ARIH1: variants seen among roughly 807,000 people sequenced by gnomAD.
The protein encoded by ARIH1 is E3 ubiquitin-protein ligase ARIH1.
In ARIH1, 8 loss-of-function variants were observed where a neutral mutation model predicts 85.0. That is an observed-to-expected ratio of 0.09 (90% CI 0.06 to 0.17). The LOEUF (loss-of-function observed/expected upper bound fraction) is 0.17, where lower values mean the gene tolerates loss of function less well. ARIH1 is among the 10% of genes least tolerant of loss of function. ARIH1 has a pLI of 1.00. For missense variants in ARIH1, 311 were observed against 718.1 expected, an observed-to-expected ratio of 0.43 and a Z score of 6.48; for synonymous variants, 238 against 253.6, an observed-to-expected ratio of 0.94 and a Z score of 0.59.
intron 1 of ARIH1, among the ~76,000 whole-genome samples, chr15:72,483,709 A>G (rs988031123): frequency 6.6e-6 from 1 of 152,200 alleles, no homozygotes. Context: ...CCTGTAAATG[A>G]TAAACATTCC....
chr15:72,578,815 T>TG (rs1288974773), intron 11 of ARIH1, among the ~76,000 whole-genome samples: 14 of 61,960 alleles, frequency 2.3e-4, no homozygotes, highest in Non-Finnish European at 6.4e-4. Flanking sequence ...TGTTTTTTGG[T>TG]GTTTTGTTTT....
At chr15:72,566,510 T>C in intron 7 of ARIH1, 53 bp from the exon 8 acceptor site, 1 of 1,429,896 alleles carries the variant, frequency 7.0e-7, no homozygotes, top group South Asian at 1.2e-5. Context: ...GCTTATTTAC[T>C]TGCTTACAGT....
chr15:72,486,938 G>A (rs916157025), intron 1 of ARIH1, among the ~76,000 whole-genome samples: 5 of 151,508 alleles, frequency 3.3e-5, no homozygotes, highest in Admixed American at 2.6e-4. Context: ...CAGGTGATCC[G>A]CCCTCCTCAG....
chr15:72,534,635 C>G (rs956141446), intron 2 of ARIH1, among the ~76,000 whole-genome samples: 1 of 152,164 alleles, frequency 6.6e-6, no homozygotes, highest in Non-Finnish European at 1.5e-5. Context: ...TATATTAAAT[C>G]TATCCTAAAT....
rs1292558842 is a variant in ARIH1, at chr15:72,590,358, AACTT to A, written c.*7068_*7071del. 1.3e-5 allele frequency: 2 copies of A among 152,216 alleles called. No individual in the cohort carries two copies. Among genetic ancestry groups the A allele is most frequent in the African/African-American group, 4.8e-5 (2 of 41,458 alleles). The allele number at this position is 152,216 out of a possible 1,614,324, so 9.4% of individuals were successfully genotyped here. ...ACTTCCAACCTAAGATTGTCCTGGA[AACTT>A]AATTCTTATCTTGGCTCATCTCTTC... On this transcript the variant is annotated 3_prime_UTR_variant, in exon 14 of 14. Transcript: ENST00000379887.
intron 2 of ARIH1, among the ~76,000 whole-genome samples, chr15:72,529,994 A>G (rs1410503671): frequency 1.3e-5 from 2 of 152,238 alleles, no homozygotes; most frequent in Non-Finnish European, 2.9e-5. Context: ...AAAATCTAGT[A>G]ATAAATGAGC....
intron 1 of ARIH1, among the ~76,000 whole-genome samples, chr15:72,507,214 G>A (rs190494937): frequency 2.0e-5 from 3 of 151,990 alleles, no homozygotes; most frequent in Non-Finnish European, 4.4e-5. Context: ...TGGTAGAGAC[G>A]GGGTTTCACC....
At chr15:72,572,827 A>C (rs991107489) in intron 11 of ARIH1, among the ~76,000 whole-genome samples, 1 of 152,176 alleles carries the variant, frequency 6.6e-6, no homozygotes, top group Non-Finnish European at 1.5e-5. Context: ...TTTGTTCATC[A>C]AGAAGCGCTG....
intron 2 of ARIH1, among the ~76,000 whole-genome samples, chr15:72,528,311 C>T (rs1406997503): frequency 1.3e-5 from 2 of 152,122 alleles, no homozygotes; most frequent in African/African-American, 4.8e-5. Flanking sequence ...TTCAGTCTTT[C>T]CTGGACTCTG....
chr15:72,536,495 G>A (rs1195114448), intron 2 of ARIH1, among the ~76,000 whole-genome samples: 2 of 151,962 alleles, frequency 1.3e-5, no homozygotes, highest in Non-Finnish European at 2.9e-5. Context: ...AAAGCTTTTT[G>A]ATTAGCAAAA....
At chr15:72,476,023 T>G (rs1449050824) in intron 1 of ARIH1, among the ~76,000 whole-genome samples, 1 of 152,198 alleles carries the variant, frequency 6.6e-6, no homozygotes, top group East Asian at 1.9e-4. Flanking sequence ...TTCAGTGCAA[T>G]TTTTAGAAAA....
rs1265788433 is a variant in ARIH1 at position 72,591,650 on chromosome 15, A to G, written c.*8358A>G. The G allele has an allele frequency of 2.6e-5, 4 of 152,230 alleles. No individual in the cohort carries two copies. Among genetic ancestry groups the G allele is most frequent in the African/African-American group, 4.8e-5 (2 of 41,470 alleles). 9.4% of individuals were successfully genotyped at this position (152,230 alleles called of 1,614,324 possible). The stretch of plus-strand genomic sequence containing the variant: ...CCTCGGTATGTCAAATCATTTTCTC[A>G]GAGGAAGTACAGCATAAAATAATAA... On this transcript the variant is annotated 3_prime_UTR_variant, in exon 14 of 14. Coordinates refer to ENST00000379887, the MANE Select transcript of ARIH1 (RefSeq NM_005744.5).
chr15:72,498,191 T>C (rs879579178), intron 1 of ARIH1, among the ~76,000 whole-genome samples: 41 of 152,238 alleles, frequency 2.7e-4, no homozygotes, highest in Non-Finnish European at 5.9e-4. Flanking sequence ...AAGATTTGAC[T>C]TTTTTAAATG....
chr15:72,501,527 T>TAG (rs2063903403), intron 1 of ARIH1, among the ~76,000 whole-genome samples: 1 of 152,202 alleles, frequency 6.6e-6, no homozygotes, highest in Non-Finnish European at 1.5e-5. Context: ...TTGTATGCTG[T>TAG]CTCTAGATGG....
At chr15:72,486,387 C>T (rs1595849219) in intron 1 of ARIH1, among the ~76,000 whole-genome samples, 1 of 152,210 alleles carries the variant, frequency 6.6e-6, no homozygotes, top group South Asian at 2.1e-4. Flanking sequence ...CTACCTGCTA[C>T]TGGCCTCGGC....
intron 1 of ARIH1, among the ~76,000 whole-genome samples, chr15:72,495,543 T>C (rs941445194): frequency 6.6e-6 from 1 of 152,192 alleles, no homozygotes; most frequent in African/African-American, 2.4e-5. Context: ...TGGTTAGATC[T>C]CCTATAAACA....
At chr15:72,477,555 A>G (rs1243284107) in intron 1 of ARIH1, among the ~76,000 whole-genome samples, 1 of 152,148 alleles carries the variant, frequency 6.6e-6, no homozygotes, top group African/African-American at 2.4e-5. Flanking sequence ...TTTTTCTGGG[A>G]GAGGAGTTCT....
At chr15:72,516,060 A>G (rs1026424670) in intron 1 of ARIH1, among the ~76,000 whole-genome samples, 4 of 152,248 alleles carry the variant, frequency 2.6e-5, no homozygotes, top group African/African-American at 9.6e-5. Context: ...AAAACTTACC[A>G]TAGTTACTTT....
chr15:72,578,530 T>C (rs1028972397), intron 11 of ARIH1, among the ~76,000 whole-genome samples: 1 of 152,218 alleles, frequency 6.6e-6, no homozygotes, highest in Non-Finnish European at 1.5e-5. Flanking sequence ...GTATATTTTA[T>C]CGTAGTAAAT....
Sources: gnomAD v4.1 joint callset for allele counts (sites outside exome capture counted in the v4.1 genomes callset) on GRCh38, gnomAD v4.1.1 for gene constraint, MANE v1.5 for transcripts, NCBI Gene and HGNC (gene_info 2026-07-23, HGNC 2026-07-21) for gene names.